SLC24A3: variants seen among roughly 807,000 people sequenced by gnomAD.
The protein encoded by SLC24A3 is solute carrier family 24 member 3.
Under a neutral mutation model 75.8 loss-of-function variants are expected in SLC24A3, and 28 were observed. That is an observed-to-expected ratio of 0.37 (90% CI 0.27 to 0.51). The LOEUF (loss-of-function observed/expected upper bound fraction) is 0.51, where lower values mean the gene tolerates loss of function less well. Among genes scored for constraint, SLC24A3 ranks in the 20% least tolerant of loss-of-function variants. The probability of loss-of-function intolerance (pLI) is 0.94; values close to 1 mark genes in which losing one functional copy is unlikely to be tolerated. For synonymous variants in SLC24A3, 372 were observed against 334.1 expected, an observed-to-expected ratio of 1.11 and a Z score of -1.24; for missense variants, 663 against 847.8, an observed-to-expected ratio of 0.78 and a Z score of 2.71.
intron 2 of SLC24A3, among the ~76,000 whole-genome samples, chr20:19,469,274 GTC>G (rs1474703027): frequency 6.6e-6 from 1 of 152,170 alleles, no homozygotes; most frequent in Non-Finnish European, 1.5e-5. Flanking sequence ...ACTTCAAAGG[GTC>G]TGGGACTCGA....
intron 1 of SLC24A3, among the ~76,000 whole-genome samples, chr20:19,255,712 A>G (rs550603242): frequency 5.3e-5 from 8 of 152,358 alleles, no homozygotes; most frequent in African/African-American, 1.7e-4. Flanking sequence ...AGCACTTGCA[A>G]TGTCGCTTGC....
chr20:19,247,469 G>A (rs1982528689), intron 1 of SLC24A3, among the ~76,000 whole-genome samples: 1 of 152,164 alleles, frequency 6.6e-6, no homozygotes, highest in South Asian at 2.1e-4. Flanking sequence ...GGAGGAAAGG[G>A]TGTAATCCTG....
chr20:19,488,694 T>G (rs1030752006), intron 2 of SLC24A3, among the ~76,000 whole-genome samples: 7 of 152,246 alleles, frequency 4.6e-5, no homozygotes, highest in Non-Finnish European at 1.0e-4. Flanking sequence ...TTTCAGATTT[T>G]TTTTTATTTT....
intron 2 of SLC24A3, among the ~76,000 whole-genome samples, chr20:19,496,910 A>G (rs1988297573): frequency 6.6e-6 from 1 of 152,200 alleles, no homozygotes; most frequent in Non-Finnish European, 1.5e-5. Flanking sequence ...TAACAGCACC[A>G]GGCCTGTTCT....
intron 8 of SLC24A3, among the ~76,000 whole-genome samples, chr20:19,670,237 G>A (rs1018096900): frequency 2.6e-5 from 4 of 152,122 alleles, no homozygotes; most frequent in Admixed American, 2.0e-4. Flanking sequence ...AGAGCATTAG[G>A]CCAAGGCTTG....
At chr20:19,548,182 C>G (rs2030633266) in intron 3 of SLC24A3, among the ~76,000 whole-genome samples, 1 of 152,186 alleles carries the variant, frequency 6.6e-6, no homozygotes, top group South Asian at 2.1e-4. Context: ...AGCATCTGTC[C>G]TGAGTTGCTG....
chr20:19,689,565 G>A (rs1175571908), intron 12 of SLC24A3, among the ~76,000 whole-genome samples: 7 of 152,118 alleles, frequency 4.6e-5, no homozygotes, highest in Non-Finnish European at 1.0e-4. Context: ...GCACAAAATG[G>A]CATAGAGGAC....
intron 2 of SLC24A3, among the ~76,000 whole-genome samples, chr20:19,361,537 T>C (rs1985788672): frequency 6.6e-6 from 1 of 152,204 alleles, no homozygotes; most frequent in Admixed American, 6.5e-5. Flanking sequence ...ACAGCAATAC[T>C]CTTTATTTTG....
At chr20:19,620,706 T>C (rs1395082234) in intron 6 of SLC24A3, among the ~76,000 whole-genome samples, 1 of 152,184 alleles carries the variant, frequency 6.6e-6, no homozygotes, top group Non-Finnish European at 1.5e-5. Context: ...ATGTGTTGCT[T>C]ACCTGAGAAA....
In SLC24A3 at chr20:19,635,907, G is replaced by A. The variant is rs956402649; in HGVS notation, c.613-18155G>A. Among the ~76,000 whole-genome samples, 8 of 152,270 alleles carry A rather than the reference G, an allele frequency of 5.3e-5. No homozygotes were observed. In the South Asian group the frequency reaches 8.3e-4, roughly 16 times the overall value. On this transcript the variant is annotated intron_variant, in intron 6 of 16. Coordinates refer to ENST00000328041, the MANE Select transcript of SLC24A3 (RefSeq NM_020689.4). Reference sequence around the variant, plus strand: ...TGTAATCCCAGCACTTTGGGAGGCCGAGATGGGTGGATCACAAGGTCAGGA... The same window carrying A: ...TGTAATCCCAGCACTTTGGGAGGCCAAGATGGGTGGATCACAAGGTCAGGA...
At chr20:19,536,721 G>A (rs1318610654) in intron 3 of SLC24A3, among the ~76,000 whole-genome samples, 8 of 152,138 alleles carry the variant, frequency 5.3e-5, no homozygotes, top group East Asian at 3.9e-4. Flanking sequence ...AAATAATGCC[G>A]CATATCTACA....
rs201335280 is a variant in SLC24A3 at position 19,641,290 on chromosome 20, C to CA, written c.613-12764dup. Among the ~76,000 whole-genome samples, 297 of 151,806 alleles carry CA rather than the reference C, an allele frequency of 2.0e-3. 1 individual carries two copies. Among genetic ancestry groups the CA allele is most frequent in the African/African-American group, 6.9e-3 (284 of 41,398 alleles). On this transcript the variant is annotated intron_variant, in intron 6 of 16. Coordinates refer to ENST00000328041, the MANE Select transcript of SLC24A3 (RefSeq NM_020689.4). ...CAGTGTCAGCCACCCATCATTCTGG[C>CA]AAAAAAAACCTTCAGATGATTTCAG...
chr20:19,616,833 G>A (rs1056823513), intron 6 of SLC24A3, among the ~76,000 whole-genome samples: 1 of 152,092 alleles, frequency 6.6e-6, no homozygotes, highest in African/African-American at 2.4e-5. Context: ...TGCTACTTAG[G>A]CAGCTGAGAA....
intron 1 of SLC24A3, among the ~76,000 whole-genome samples, chr20:19,248,409 A>G (rs576144443): frequency 6.6e-6 from 1 of 152,366 alleles, no homozygotes; most frequent in South Asian, 2.1e-4. Context: ...ATTTTTTCTC[A>G]AATCTTTAAA....
At chr20:19,593,075 C>T (rs143396439) in intron 6 of SLC24A3, among the ~76,000 whole-genome samples, 2 of 152,180 alleles carry the variant, frequency 1.3e-5, no homozygotes, top group Admixed American at 6.5e-5. Flanking sequence ...GACTTATAGG[C>T]GTGAGCCACC....
chr20:19,435,356 T>G (rs1451144600), intron 2 of SLC24A3, among the ~76,000 whole-genome samples: 1 of 152,232 alleles, frequency 6.6e-6, no homozygotes, highest in Non-Finnish European at 1.5e-5. Flanking sequence ...CAGTATATGT[T>G]TTACATTTCT....
chr20:19,560,037 TA>T (rs2030849871), intron 3 of SLC24A3, among the ~76,000 whole-genome samples: 1 of 152,150 alleles, frequency 6.6e-6, no homozygotes, highest in African/African-American at 2.4e-5. Flanking sequence ...CCTGAATTTT[TA>T]ATAATTGTCT....
At chr20:19,597,973 G>A (rs2031472572) in intron 6 of SLC24A3, among the ~76,000 whole-genome samples, 1 of 152,134 alleles carries the variant, frequency 6.6e-6, no homozygotes, top group South Asian at 2.1e-4. Flanking sequence ...TCATCCATTC[G>A]TGGAGACTTA....
chr20:19,315,779 C>T lies in SLC24A3; in HGVS notation c.271+34692C>T, dbSNP rs548970263. 6.4e-4 allele frequency among the ~76,000 whole-genome samples: 97 copies of T among 152,198 alleles called. 1 individual carries two copies. Among genetic ancestry groups the T allele is most frequent in the African/African-American group, 2.3e-3 (96 of 41,576 alleles). ...AGAGTTCACAGTTCTTTTGTTCACT[C>T]GTGTACATAAACGTAGGTGCTCCTC... On this transcript the variant is annotated intron_variant, in intron 2 of 16. Coordinates refer to ENST00000328041, the MANE Select transcript of SLC24A3 (RefSeq NM_020689.4).
Sources: gnomAD v4.1 joint callset for allele counts (sites outside exome capture counted in the v4.1 genomes callset) on GRCh38, gnomAD v4.1.1 for gene constraint, MANE v1.5 for transcripts, NCBI Gene and HGNC (gene_info 2026-07-23, HGNC 2026-07-21) for gene names.